The following KDM5B variants were observed in gnomAD, a reference collection of about 807,000 sequenced individuals.
KDM5B encodes the protein lysine-specific demethylase 5B.
A neutral mutation model predicts 193.4 loss-of-function variants in KDM5B; 144 were observed. The observed-to-expected ratio is 0.74, with a 90% CI of 0.65 to 0.86. The LOEUF (loss-of-function observed/expected upper bound fraction) is 0.86, where lower values mean the gene tolerates loss of function less well. Among genes scored for constraint, KDM5B ranks in the 40% least tolerant of loss-of-function variants. The probability of loss-of-function intolerance (pLI) is 0.00; values close to 1 mark genes in which losing one functional copy is unlikely to be tolerated. For synonymous variants in KDM5B, 668 were observed against 682.6 expected, an observed-to-expected ratio of 0.98 and a Z score of 0.33; for missense variants, 1,833 against 1,886.9, an observed-to-expected ratio of 0.97 and a Z score of 0.53.
chr1:202,732,231 T>C, intron 23 of KDM5B: 2 of 327,586 alleles, frequency 6.1e-6, no homozygotes, highest in South Asian at 7.7e-5. Flanking sequence ...GAACAGATCA[T>C]ACAGCCTTTT....
Position 202,760,571 on chromosome 1 carries a change from C to T in KDM5B, c.921G>A (p.Val307=). Residue 307 remains valine (V), a splice_region_variant and synonymous_variant, in exon 8 of 27, where the codon GTG becomes GTA. Transcript: ENST00000367265. The stretch of plus-strand genomic sequence containing the variant: ...CACATAAAAGACAGACATACAGGTC[C>T]ACCTGTAGCAATAAAAGTGGGTACA... The part of the protein sequence containing the change: ...KSRSKKATNA[V]DLYVCLLCGS... 6.2e-7 allele frequency: 1 copy of T among 1,602,340 alleles called. No individual in the cohort carries two copies. The highest frequency in any genetic ancestry group is 8.5e-7 in the Non-Finnish European group (1 of 1,174,474).
At chr1:202,737,740 C>A (rs559625044) in intron 20 of KDM5B, among the ~76,000 whole-genome samples, 3 of 152,116 alleles carry the variant, frequency 2.0e-5, no homozygotes, top group Non-Finnish European at 4.4e-5. Context: ...GGATAACTGT[C>A]TAGTCAGTGA....
intron 9 of KDM5B, among the ~76,000 whole-genome samples, chr1:202,757,871 T>C (rs1656081029): frequency 6.6e-6 from 1 of 152,164 alleles, no homozygotes; most frequent in African/African-American, 2.4e-5. Context: ...AGCTTAAATA[T>C]CCAGAATTAA....
Position 202,803,233 on chromosome 1 carries a change from T to C in KDM5B, c.204+4869A>G, listed in dbSNP as rs116629696. ...TTTTTCAAAGGTAATTCTCTACTCATTTCGCTCTTTTAAAAGTTTAGATTG... is the reference window on the plus strand; with the variant it reads ...TTTTTCAAAGGTAATTCTCTACTCACTTCGCTCTTTTAAAAGTTTAGATTG... On this transcript the variant is annotated intron_variant, in intron 1 of 26. Transcript: ENST00000367265. Among the ~76,000 whole-genome samples, 980 of 152,326 alleles carry C rather than the reference T, an allele frequency of 6.4e-3. 5 individuals carry two copies. Among genetic ancestry groups the C allele is most frequent in the South Asian group, 0.019 (92 of 4,826 alleles).
chr1:202,729,263 G>A, intron 26 of KDM5B, 90 bp from the exon 27 acceptor site: 1 of 1,378,696 alleles, frequency 7.3e-7, no homozygotes, highest in Non-Finnish European at 1.0e-6. Context: ...CAGGCCGTTT[G>A]CCAATAACAG....
intron 4 of KDM5B, chr1:202,767,512 C>T: frequency 1.4e-6 from 1 of 712,964 alleles, no homozygotes; most frequent in Non-Finnish European, 2.5e-6. Context: ...GACCTTGTTC[C>T]CCGGTGTGCA....
At chr1:202,744,259 A>C (rs1655462473) in intron 16 of KDM5B, among the ~76,000 whole-genome samples, 1 of 152,206 alleles carries the variant, frequency 6.6e-6, no homozygotes, top group Non-Finnish European at 1.5e-5. Flanking sequence ...GAGAAATGCA[A>C]ATCAAAACTA....
intron 20 of KDM5B, among the ~76,000 whole-genome samples, chr1:202,737,804 A>T (rs1236190327): frequency 1.3e-5 from 2 of 152,348 alleles, no homozygotes; most frequent in East Asian, 3.9e-4. Flanking sequence ...AAGAAACTTA[A>T]AGAGATGACA....
rs1421652594 is a variant in KDM5B at position 202,729,756 on chromosome 1, T to C, written c.4448A>G (p.Glu1483Gly). 5 of 1,614,156 alleles carry C rather than the reference T, an allele frequency of 3.1e-6. No individual in the cohort carries two copies. Among genetic ancestry groups the C allele is most frequent in the Middle Eastern group, 1.6e-4 (1 of 6,062 alleles). The change falls in exon 26 of 27, where the codon GAA becomes GGA. Residue 1483 changes from glutamate (E) to glycine (G), a missense_variant. Physicochemically the swap from Glu to Gly is moderately conservative, Grantham distance 98. Around this residue, in one of 3 missense-constraint regions of KDM5B, gnomAD observed 1,379 missense variants for 1,349.6 expected, o/e 1.02. Transcript: ENST00000367265. ...GCTCACAGCTGGGCAGATGGCATCT[T>C]CATCCTCAGAGTCTTCCTGTTCGGA... Reference protein sequence around the residue: ...SYSEQEDSEDEDAICPAVSCL... With the variant: ...SYSEQEDSEDGDAICPAVSCL...
intron 25 of KDM5B, among the ~76,000 whole-genome samples, chr1:202,730,426 A>G (rs746262620): frequency 4.6e-5 from 7 of 152,172 alleles, no homozygotes; most frequent in Non-Finnish European, 1.0e-4. Context: ...CTCCTGAGGA[A>G]CCACACTAAT....
At chr1:202,781,537 G>A (rs1477233281) in intron 1 of KDM5B, among the ~76,000 whole-genome samples, 1 of 152,148 alleles carries the variant, frequency 6.6e-6, no homozygotes, top group Non-Finnish European at 1.5e-5. Flanking sequence ...AAGTGAAAAA[G>A]ATTAAAGTCT....
In KDM5B at chr1:202,754,205, G is replaced by T. The variant is rs533244465; in HGVS notation, c.1538+1066C>A. Among the ~76,000 whole-genome samples the T allele has an allele frequency of 2.0e-5, 3 of 152,274 alleles. No individual in the cohort carries two copies. In the South Asian group the frequency reaches 6.2e-4, roughly 32 times the overall value. On this transcript the variant is annotated intron_variant, in intron 11 of 26. Coordinates refer to ENST00000367265, the MANE Select transcript of KDM5B (RefSeq NM_006618.5). ...ATCTGTATCATCCCTGCGAGGTATG[G>T]TAAATATAATATTCATTTTACAGCT...
rs372419551 is a variant in KDM5B, at chr1:202,767,012, T to C, written c.625A>G (p.Lys209Glu). Residue 209 changes from lysine (K) to glutamate (E), a missense_variant, in exon 5 of 27, where the codon AAA becomes GAA. Lys to Glu is a moderately conservative substitution (Grantham distance 56). Around this residue, in one of 3 missense-constraint regions of KDM5B, gnomAD observed 355 missense variants for 374.9 expected, o/e 0.95. Transcript: ENST00000367265. ...LTTDTKDKEY[K>E]PHDIPQRQSV... is the part of the protein sequence containing the mutation. ...TGCCTCTGGGGAATATCATGGGGTTTGTACTCCTTGTCCTTAGTGTCTGTG... is the reference window on the plus strand; with the variant it reads ...TGCCTCTGGGGAATATCATGGGGTTCGTACTCCTTGTCCTTAGTGTCTGTG... 6.2e-7 allele frequency: 1 copy of C among 1,606,666 alleles called. No individual in the cohort carries two copies. The highest frequency in any genetic ancestry group is 1.8e-5 in the Admixed American group (1 of 57,138).
rs1021956315 is a variant in KDM5B at position 202,724,893 on chromosome 1, G to A, written c.*4143C>T. The A allele has an allele frequency of 3.3e-5, 5 of 152,134 alleles. No homozygotes were observed. Among genetic ancestry groups the A allele is most frequent in the Admixed American group, 6.6e-5 (1 of 15,266 alleles). 9.4% of individuals were successfully genotyped at this position (152,134 alleles called of 1,614,324 possible). A position where few individuals can be genotyped will look rare whatever the true frequency, so the allele number is the denominator to read the frequency against. ...GAGCTAAAAGTTTTGGTGTTTAGAGGGGTGCCTTTGGACATTTATTTTAAA... is the reference window on the plus strand; with the variant it reads ...GAGCTAAAAGTTTTGGTGTTTAGAGAGGTGCCTTTGGACATTTATTTTAAA... On this transcript the variant is annotated 3_prime_UTR_variant, in exon 27 of 27. Coordinates refer to ENST00000367265, the MANE Select transcript of KDM5B (RefSeq NM_006618.5).
intron 22 of KDM5B, 97 bp downstream of exon 22, chr1:202,735,332 T>C: frequency 7.7e-7 from 1 of 1,301,866 alleles, no homozygotes; most frequent in South Asian, 1.5e-5. Context: ...GCTTTCAAGT[T>C]ACTCTACTTG....
intron 13 of KDM5B, 150 bp from the exon 14 acceptor site, chr1:202,749,289 T>G: frequency 1.5e-6 from 1 of 676,986 alleles, no homozygotes. Context: ...CTGGGCCAGG[T>G]AGATGGCTCA....
chr1:202,760,351 TCAAAGG>T, intron 8 of KDM5B, 58 bp downstream of exon 8: 1 of 1,105,884 alleles, frequency 9.0e-7, no homozygotes. Context: ...AAAATAAAAC[TCAAAGG>T]CAAAGAAAAA....
chr1:202,760,709 G>A, intron 7 of KDM5B, 136 bp from the exon 8 acceptor site: 1 of 510,388 alleles, frequency 2.0e-6, no homozygotes, highest in South Asian at 5.2e-5. Context: ...CTCTATAAGG[G>A]ATATTTTAAA....
intron 1 of KDM5B, among the ~76,000 whole-genome samples, chr1:202,792,733 C>G (rs780022747): frequency 1.3e-5 from 2 of 152,060 alleles, no homozygotes; most frequent in African/African-American, 4.8e-5. Flanking sequence ...CAGTGGCCCA[C>G]GCCTGTAATC....
Sources: allele counts gnomAD v4.1 joint callset (sites outside exome capture counted in the v4.1 genomes callset), GRCh38; gene constraint gnomAD v4.1.1; regional missense constraint gnomAD v4.1.1; transcripts MANE v1.5; gene names NCBI Gene and HGNC (gene_info 2026-07-23, HGNC 2026-07-21).